CD8A: variants seen among roughly 807,000 people sequenced by gnomAD.
The protein encoded by CD8A is T-cell surface glycoprotein CD8 alpha chain.
CD8A carries 25 observed loss-of-function variants against 24.2 expected under a neutral mutation model. That is an observed-to-expected ratio of 1.03 (90% CI 0.75 to 1.44). The LOEUF (loss-of-function observed/expected upper bound fraction) is 1.44. CD8A is among the 40% of genes most tolerant of loss of function. CD8A has a pLI of 0.00. For missense variants in CD8A, 360 were observed against 319.7 expected (o/e 1.13, Z -0.96); for synonymous variants, 165 against 149.9 (o/e 1.10, Z -0.74).
upstream of CD8A, chr2:86,791,367 A>T (rs1052540501): frequency 8.0e-6 from 3 of 375,830 alleles, no homozygotes; most frequent in Non-Finnish European, 1.0e-5. Context: ...TCGCTAGAGC[A>T]GCCCCAGTTT....
chr2:86,787,898 A>AGAGAGTGTGTGTGTGTGTGT (rs369993109), intron 5 of CD8A, among the ~76,000 whole-genome samples: 19 of 144,596 alleles, frequency 1.3e-4, no homozygotes, highest in Admixed American at 2.8e-4. Flanking sequence ...AGAGAGAGAG[A>AGAGAGTGTGTGTGTGTGTGT]GTGTGTGTGT....
chr2:86,802,697 C>T (rs1372431673), intron 2 of CD8A, among the ~76,000 whole-genome samples: 1 of 152,162 alleles, frequency 6.6e-6, no homozygotes, highest in African/African-American at 2.4e-5. Flanking sequence ...CCTCTGCCTC[C>T]TTGGTTCAAG....
chr2:86,792,535 C>T (rs182789227), upstream of CD8A, among the ~76,000 whole-genome samples: 251 of 133,946 alleles, frequency 1.9e-3, 4 homozygotes, highest in East Asian at 0.033. Flanking sequence ...CTGTGTTGCC[C>T]AGGCTGGAGT....
chr2:86,805,931 C>A (rs1673836571), intron 2 of CD8A, among the ~76,000 whole-genome samples: 1 of 151,474 alleles, frequency 6.6e-6, no homozygotes, highest in Non-Finnish European at 1.5e-5. Context: ...TTCTTTCTTT[C>A]TCTCTCTCTC....
upstream of CD8A, chr2:86,791,759 T>C: frequency 2.4e-6 from 1 of 419,632 alleles, no homozygotes; most frequent in South Asian, 1.7e-5. Context: ...GCCTTTCCCA[T>C]ACACCTGCAG....
At chr2:86,791,207 G>T (rs1673295307), upstream of CD8A, 2 of 450,060 alleles carry the variant, frequency 4.4e-6, no homozygotes, top group South Asian at 2.0e-5. Context: ...AAGTGAGGGC[G>T]AGAGTAGGCA....
rs750103978 is a variant in CD8A, at chr2:86,790,567, G to T, written c.164C>A (p.Ser55Ter). Reference protein sequence around the residue: ...VLLSNPTSGCSWLFQPRGAAA... With the variant: ...VLLSNPTSGC Reference sequence around the variant, plus strand: ...GGCGCCGCGCGGCTGGAAGAGCCACGAGCAGCCCGACGTCGGGTTGGACAG... The same window carrying T: ...GGCGCCGCGCGGCTGGAAGAGCCACTAGCAGCCCGACGTCGGGTTGGACAG... The change falls in exon 2 of 6, where the codon TCG becomes TAG. Residue 55 changes from serine to a stop codon, truncating the protein, a stop_gained. Transcript: ENST00000283635. LOFTEE classifies it high-confidence loss of function. The T allele has an allele frequency of 3.1e-6, 5 of 1,613,016 alleles. No individual in the cohort carries two copies. Among genetic ancestry groups the T allele is most frequent in the East Asian group, 2.2e-5 (1 of 44,868 alleles).
At chr2:86,797,896 T>A (rs539472306) in intron 3 of CD8A, among the ~76,000 whole-genome samples, 8 of 152,338 alleles carry the variant, frequency 5.3e-5, no homozygotes, top group African/African-American at 1.7e-4. Flanking sequence ...AGAAAGATGG[T>A]AAGTTTTTTA....
chr2:86,798,157 A>G (rs886845762), intron 3 of CD8A, among the ~76,000 whole-genome samples: 2 of 150,908 alleles, frequency 1.3e-5, no homozygotes, highest in African/African-American at 2.4e-5. Flanking sequence ...CCTTTTATTC[A>G]TAAGGAACAG....
intron 3 of CD8A, among the ~76,000 whole-genome samples, chr2:86,797,690 T>TA (rs145744721): frequency 0.076 from 11,545 of 152,020 alleles, 1,354 homozygotes; most frequent in African/African-American, 0.25. Context: ...TTCACTTTTT[T>TA]AAAAAAAAGT....
At chr2:86,787,902 T>TGG (rs1558734031) in intron 5 of CD8A, among the ~76,000 whole-genome samples, 1 of 125,084 alleles carries the variant, frequency 8.0e-6, no homozygotes, top group Non-Finnish European at 1.7e-5. Flanking sequence ...AGAGAGAGTG[T>TGG]GTGTGTGTGT....
At position 86,789,744 on chromosome 2, in the gene CD8A, G is replaced by A. The variant is rs529906517; in HGVS notation, c.410C>T (p.Pro137Leu). 30 of 1,360,238 alleles carry A rather than the reference G, an allele frequency of 2.2e-5. No homozygotes were observed. The East Asian group carries it at 6.8e-4, about 31-fold the overall frequency. 84.3% of individuals were successfully genotyped at this position (1,360,238 alleles called of 1,614,324 possible). A position where few individuals can be genotyped will look rare whatever the true frequency, so the allele number is the denominator to read the frequency against. ...TGGTCGCGGCGCTGGCGTCGTGGTGGGCTTCGCTGCAAGAGCAACAGAGCG... is the reference window on the plus strand; with the variant it reads ...TGGTCGCGGCGCTGGCGTCGTGGTGAGCTTCGCTGCAAGAGCAACAGAGCG... ...HFVPVFLPAK[P>L]TTTPAPRPPT... The change falls in exon 3 of 6, where the codon CCC (proline) becomes CTC (leucine). Residue 137 changes from proline to leucine, a missense_variant. Transcript: ENST00000283635.
chr2:86,790,776 C>T lies in CD8A; in HGVS notation c.49+1G>A, dbSNP rs1461114987. ...TGCCTTCCCGGGCGTCTCAAACTCA[C>T]GGAGCAGCAAGGCCAGCGGCAGGAG... is the stretch of plus-strand genomic sequence containing the variant. On this transcript the variant is annotated splice_donor_variant, in intron 1 of 5. Coordinates refer to ENST00000283635, the MANE Select transcript of CD8A (RefSeq NM_001768.7). LOFTEE classifies it high-confidence loss of function. 2.0e-6 allele frequency: 3 copies of T among 1,526,936 alleles called. No individual in the cohort carries two copies. The highest frequency in any genetic ancestry group is 2.0e-5 in the Admixed American group (1 of 51,018). 94.6% of individuals were successfully genotyped at this position (1,526,936 alleles called of 1,614,324 possible).
chr2:86,791,735 C>T (rs759702187), upstream of CD8A: 3 of 440,136 alleles, frequency 6.8e-6, no homozygotes, highest in Admixed American at 4.8e-5. Context: ...AGCCTCCGCA[C>T]AGCCCCCTGC....
At chr2:86,806,264 G>A (rs186509941) in intron 2 of CD8A, among the ~76,000 whole-genome samples, 3 of 152,152 alleles carry the variant, frequency 2.0e-5, no homozygotes, top group East Asian at 1.9e-4. Context: ...GAGGGAAGGC[G>A]TCTGTTTCCA....
rs1427820128 is a variant in CD8A, at chr2:86,785,933, G to T, written c.695C>A (p.Ala232Glu). 2 of 1,613,084 alleles carry T rather than the reference G, an allele frequency of 1.2e-6. No individual in the cohort carries two copies. Among genetic ancestry groups the T allele is most frequent in the East Asian group, 4.5e-5 (2 of 44,886 alleles). The change falls in exon 6 of 6, where the codon GCG becomes GAG. Residue 232 changes from alanine to glutamate, a missense_variant. Ala to Glu is a moderately radical substitution (Grantham distance 107). Transcript: ENST00000283635. ...TGTTGCACAGGGTTAGACGTATCTCGCCGAAAGGCTGGGCTTGTCTCCCGA... is the reference window on the plus strand; with the variant it reads ...TGTTGCACAGGGTTAGACGTATCTCTCCGAAAGGCTGGGCTTGTCTCCCGA... ...VKSGDKPSLSARYV is the reference protein window; with the variant it reads ...VKSGDKPSLSERYV
chr2:86,785,610 G>T lies in CD8A; in HGVS notation c.*310C>A. 1 of 593,720 alleles carries T rather than the reference G, an allele frequency of 1.7e-6. No individual in the cohort carries two copies. Among genetic ancestry groups the T allele is most frequent in the Non-Finnish European group, 3.2e-6 (1 of 316,688 alleles). 36.8% of individuals were successfully genotyped at this position (593,720 alleles called of 1,614,324 possible). A position where few individuals can be genotyped will look rare whatever the true frequency, so the allele number is the denominator to read the frequency against. ...GGCGGGGAAGAGGTTGAGATGGCAT[G>T]GGTGCCTCCAGCTCTCTCAGCATGA... On this transcript the variant is annotated 3_prime_UTR_variant, in exon 6 of 6. Coordinates refer to ENST00000283635, the MANE Select transcript of CD8A (RefSeq NM_001768.7).
At chr2:86,789,074 G>T (rs1355496361) in intron 4 of CD8A, among the ~76,000 whole-genome samples, 17 of 152,172 alleles carry the variant, frequency 1.1e-4, no homozygotes, top group Admixed American at 9.2e-4. Flanking sequence ...CTTCGTCGAC[G>T]GAACACACCC....
chr2:86,793,290 T>G (rs374328571), upstream of CD8A, among the ~76,000 whole-genome samples: 14 of 152,352 alleles, frequency 9.2e-5, no homozygotes, highest in East Asian at 1.5e-3. Context: ...AAGGCTGTGG[T>G]AGATATAATG....
Sources: gnomAD v4.1 joint callset for allele counts (sites outside exome capture counted in the v4.1 genomes callset) on GRCh38, gnomAD v4.1.1 for gene constraint, MANE v1.5 for transcripts, NCBI Gene and HGNC (gene_info 2026-07-23, HGNC 2026-07-21) for gene names.